Variants in SLC6A11 observed in about 807,000 individuals in gnomAD.
SLC6A11 encodes solute carrier family 6 member 11.
In SLC6A11, 25 loss-of-function variants were observed where a neutral mutation model predicts 74.8. The observed-to-expected ratio is 0.33, with a 90% CI of 0.24 to 0.47. SLC6A11 has a LOEUF of 0.47. Among genes scored for constraint, SLC6A11 ranks in the 20% least tolerant of loss-of-function variants. The probability of loss-of-function intolerance (pLI) is 1.00; values close to 1 mark genes in which losing one functional copy is unlikely to be tolerated. For missense variants in SLC6A11, 574 were observed against 837.0 expected (o/e 0.69, Z 3.88); for synonymous variants, 330 against 330.2 (o/e 1.00, Z 0.01).
At chr3:10,894,607 A>G (rs770972771) in intron 6 of SLC6A11, among the ~76,000 whole-genome samples, 31 of 152,208 alleles carry the variant, frequency 2.0e-4, no homozygotes, top group Non-Finnish European at 4.3e-4. Flanking sequence ...AACTCACAGA[A>G]GCAGAGAGTA....
chr3:10,933,600 A>G (rs1212248052), intron 11 of SLC6A11, among the ~76,000 whole-genome samples: 1 of 152,150 alleles, frequency 6.6e-6, no homozygotes, highest in Non-Finnish European at 1.5e-5. Context: ...CCTTCCATAG[A>G]CAACCACCTC....
At chr3:10,854,392 A>T (rs893163144) in intron 5 of SLC6A11, among the ~76,000 whole-genome samples, 3 of 152,170 alleles carry the variant, frequency 2.0e-5, no homozygotes, top group South Asian at 2.1e-4. Flanking sequence ...TCCATCTCAA[A>T]AAATAAATAA....
At chr3:10,867,442 G>A (rs1237907335) in intron 5 of SLC6A11, among the ~76,000 whole-genome samples, 4 of 152,212 alleles carry the variant, frequency 2.6e-5, no homozygotes, top group Non-Finnish European at 5.9e-5. Flanking sequence ...GTGAAAATTA[G>A]TTAGAGATAC....
rs542928576 is a variant in SLC6A11, at chr3:10,933,921, C to T, written c.1475-145C>T. ...CTGAAACCTCACACATGTAACATCT[C>T]GGTCGTTGTTTAAGCAGTACAAAGA... On this transcript the variant is annotated intron_variant, in intron 11 of 13. Coordinates refer to ENST00000254488, the MANE Select transcript of SLC6A11 (RefSeq NM_014229.3). 139 of 585,464 alleles carry T rather than the reference C, an allele frequency of 2.4e-4. 1 individual carries two copies. The South Asian group carries it at 2.5e-3, about 10-fold the overall frequency. 36.3% of individuals were successfully genotyped at this position (585,464 alleles called of 1,614,324 possible).
At chr3:10,851,822 G>A (rs1012137844) in intron 5 of SLC6A11, among the ~76,000 whole-genome samples, 3 of 152,182 alleles carry the variant, frequency 2.0e-5, no homozygotes, top group Admixed American at 2.0e-4. Context: ...GCAGGTGAGG[G>A]CACCTGCTGC....
intron 9 of SLC6A11, among the ~76,000 whole-genome samples, chr3:10,928,994 C>G (rs936197159): frequency 3.3e-5 from 5 of 152,210 alleles, no homozygotes; most frequent in Non-Finnish European, 5.9e-5. Flanking sequence ...CTCCCCACCT[C>G]TGAGCCTCAG....
intron 7 of SLC6A11, among the ~76,000 whole-genome samples, chr3:10,913,843 G>A (rs1252450085): frequency 2.0e-5 from 3 of 152,210 alleles, no homozygotes; most frequent in East Asian, 1.9e-4. Context: ...ACAGGCGCCC[G>A]CCACCACGCC....
chr3:10,839,531 T>A (rs1694410681), intron 4 of SLC6A11, among the ~76,000 whole-genome samples: 1 of 152,188 alleles, frequency 6.6e-6, no homozygotes, highest in Non-Finnish European at 1.5e-5. Context: ...TGCCCACTCC[T>A]TCCCTGCTTC....
intron 6 of SLC6A11, among the ~76,000 whole-genome samples, chr3:10,903,816 C>A (rs1310360060): frequency 6.6e-6 from 1 of 152,196 alleles, no homozygotes; most frequent in Non-Finnish European, 1.5e-5. Flanking sequence ...GTTATTTCAA[C>A]TTCTGTGTGT....
intron 6 of SLC6A11, among the ~76,000 whole-genome samples, chr3:10,905,751 C>T (rs1008289788): frequency 6.6e-6 from 1 of 152,156 alleles, no homozygotes; most frequent in Non-Finnish European, 1.5e-5. Context: ...GTTGCAGACT[C>T]CATGTAAAGA....
Position 10,885,716 on chromosome 3 carries a change from A to C in SLC6A11, c.891+10621A>C, listed in dbSNP as rs183305532. On this transcript the variant is annotated intron_variant, in intron 6 of 13. Coordinates refer to ENST00000254488, the MANE Select transcript of SLC6A11 (RefSeq NM_014229.3). ...TCTTTCTGTGTCTCAGCTGAGTGCC[A>C]AGCATGAAAACTTGGGGTTGACCAG... 3.6e-3 allele frequency among the ~76,000 whole-genome samples: 549 copies of C among 152,048 alleles called. 6 individuals carry two copies. The highest frequency in any genetic ancestry group is 0.013 in the African/African-American group (522 of 41,432).
Position 10,816,240 on chromosome 3 carries a change from C to G in SLC6A11, c.-26C>G. ...CCGGGGCGGCGGCGCAGAGCCGGGCCGGCGCACGAGGCAGCCAGCGCGGCC... is the reference window on the plus strand; with the variant it reads ...CCGGGGCGGCGGCGCAGAGCCGGGCGGGCGCACGAGGCAGCCAGCGCGGCC... On this transcript the variant is annotated 5_prime_UTR_variant, in exon 1 of 14. Transcript: ENST00000254488. The surrounding 1 kb of genome is among the most constrained non-coding windows in gnomAD (Gnocchi z 4.2). 3 of 1,289,190 alleles carry G rather than the reference C, an allele frequency of 2.3e-6. No individual in the cohort carries two copies. Among genetic ancestry groups the G allele is most frequent in the Non-Finnish European group, 2.9e-6 (3 of 1,022,182 alleles). The allele number at this position is 1,289,190 out of a possible 1,614,324, so 79.9% of individuals were successfully genotyped here.
intron 8 of SLC6A11, among the ~76,000 whole-genome samples, chr3:10,921,036 G>T (rs753047351): frequency 6.6e-6 from 1 of 152,214 alleles, no homozygotes; most frequent in Non-Finnish European, 1.5e-5. Context: ...AGAACACTCA[G>T]TGGGATGTCC....
At chr3:10,847,161 A>G (rs1053512710) in intron 5 of SLC6A11, among the ~76,000 whole-genome samples, 4 of 152,072 alleles carry the variant, frequency 2.6e-5, no homozygotes, top group African/African-American at 9.7e-5. Context: ...GGGATACAAT[A>G]ATTTGCTCAA....
intron 6 of SLC6A11, among the ~76,000 whole-genome samples, chr3:10,894,488 A>T (rs1262828901): frequency 6.6e-6 from 1 of 152,200 alleles, no homozygotes; most frequent in Non-Finnish European, 1.5e-5. Context: ...CTTGGTGAAG[A>T]TGATGGCAGT....
intron 11 of SLC6A11, 157 bp from the exon 12 acceptor site, chr3:10,933,909 C>T: frequency 3.5e-6 from 2 of 566,540 alleles, no homozygotes; most frequent in Admixed American, 2.7e-5. Context: ...AAACCTCACA[C>T]ATGTAACATC....
intron 6 of SLC6A11, among the ~76,000 whole-genome samples, chr3:10,875,425 G>A (rs925203434): frequency 6.6e-6 from 1 of 152,220 alleles, no homozygotes; most frequent in African/African-American, 2.4e-5. Context: ...GACATTTCAA[G>A]ATAGCTACAC....
At chr3:10,916,109 A>G (rs574398621) in intron 7 of SLC6A11, among the ~76,000 whole-genome samples, 2 of 152,322 alleles carry the variant, frequency 1.3e-5, no homozygotes, top group South Asian at 4.1e-4. Flanking sequence ...AATGTCCACT[A>G]TTTGATAAGT....
intron 6 of SLC6A11, among the ~76,000 whole-genome samples, chr3:10,911,744 C>T (rs184354317): frequency 1.3e-5 from 2 of 152,170 alleles, no homozygotes; most frequent in Admixed American, 6.5e-5. Flanking sequence ...AAGTTTCTTC[C>T]CTACTTTGCT....
Sources: allele counts gnomAD v4.1 joint callset (sites outside exome capture counted in the v4.1 genomes callset), GRCh38; gene constraint gnomAD v4.1.1; non-coding constraint Gnocchi (gnomAD v3.1); transcripts MANE v1.5; gene names NCBI Gene and HGNC (gene_info 2026-07-23, HGNC 2026-07-21).